The following ITGB6 variants were observed in gnomAD, a reference collection of about 807,000 sequenced individuals.
ITGB6 encodes integrin beta-6.
ITGB6 carries 80 observed loss-of-function variants against 84.5 expected under a neutral mutation model. The ratio of observed to expected loss-of-function variants is 0.95; its 90% CI spans 0.79 to 1.14. ITGB6 has a LOEUF of 1.14. Among genes scored for constraint, ITGB6 ranks in the 50% most tolerant of loss-of-function variants. The probability of loss-of-function intolerance (pLI) is 0.00; values close to 1 mark genes in which losing one functional copy is unlikely to be tolerated. For synonymous variants in ITGB6, 383 were observed against 354.9 expected (o/e 1.08, Z -0.89); for missense variants, 1,006 against 968.0 (o/e 1.04, Z -0.52).
chr2:160,129,309 C>T (rs1683360579), intron 10 of ITGB6, among the ~76,000 whole-genome samples: 1 of 148,986 alleles, frequency 6.7e-6, no homozygotes, highest in Admixed American at 6.8e-5. Context: ...GGGTGCCTGC[C>T]ATGCGCAAGA....
chr2:160,136,296 A>G (rs897922601), intron 10 of ITGB6, among the ~76,000 whole-genome samples: 1 of 152,248 alleles, frequency 6.6e-6, no homozygotes, highest in Admixed American at 6.5e-5. Flanking sequence ...AGACACATGA[A>G]AAAATGCTCA....
intron 10 of ITGB6, among the ~76,000 whole-genome samples, chr2:160,136,971 C>T (rs570048178): frequency 7.3e-5 from 11 of 151,092 alleles, no homozygotes; most frequent in African/African-American, 2.7e-4. Flanking sequence ...TTAATGGGTG[C>T]AGCACACCAA....
chr2:160,170,441 G>T (rs371962274), intron 6 of ITGB6, among the ~76,000 whole-genome samples: 1 of 152,124 alleles, frequency 6.6e-6, no homozygotes, highest in Admixed American at 6.5e-5. Context: ...TTTCAACTGC[G>T]TAAAAATCCT....
At chr2:160,174,655 A>G (rs749365351) in intron 4 of ITGB6, among the ~76,000 whole-genome samples, 8 of 152,178 alleles carry the variant, frequency 5.3e-5, no homozygotes, top group Non-Finnish European at 1.2e-4. Flanking sequence ...GTCCAACTCT[A>G]CTGTGATTGA....
intron 4 of ITGB6, among the ~76,000 whole-genome samples, chr2:160,180,590 G>A (rs1440265956): frequency 6.6e-6 from 1 of 152,218 alleles, no homozygotes; most frequent in Non-Finnish European, 1.5e-5. Context: ...CCTTGCAGGA[G>A]GTCCTTCACG....
At chr2:160,151,494 G>A (rs1033937284) in intron 7 of ITGB6, among the ~76,000 whole-genome samples, 6 of 152,234 alleles carry the variant, frequency 3.9e-5, no homozygotes, top group African/African-American at 1.4e-4. Flanking sequence ...GAGAAAGCAG[G>A]AAAGATCTAA....
intron 2 of ITGB6, among the ~76,000 whole-genome samples, chr2:160,198,921 A>G (rs573154935): frequency 1.3e-5 from 2 of 152,368 alleles, no homozygotes; most frequent in African/African-American, 4.8e-5. Context: ...TAAAAGAAGG[A>G]ACCAGGTAAA....
chr2:160,199,130 A>C (rs1559245827), intron 2 of ITGB6, 49 bp downstream of exon 2: 4 of 1,441,954 alleles, frequency 2.8e-6, no homozygotes, highest in Middle Eastern at 1.7e-4. Context: ...ATTAACATGA[A>C]TTTAACTGCA....
intron 2 of ITGB6, 124 bp downstream of exon 2, chr2:160,199,055 C>G: frequency 1.4e-6 from 1 of 691,482 alleles, no homozygotes. Context: ...TTCTCCTTTC[C>G]TGATTTGTTT....
chr2:160,182,438 T>G (rs1685716893), intron 4 of ITGB6, among the ~76,000 whole-genome samples: 1 of 151,936 alleles, frequency 6.6e-6, no homozygotes, highest in African/African-American at 2.4e-5. Flanking sequence ...AAGACAAGAT[T>G]AGAGAAAAAG....
intron 2 of ITGB6, among the ~76,000 whole-genome samples, chr2:160,196,695 C>CTG (rs373079068): frequency 2.7e-5 from 4 of 149,446 alleles, no homozygotes; most frequent in African/African-American, 4.9e-5. Context: ...GTGTGTGTGT[C>CTG]TGTGTGTGTG....
Position 160,107,719 on chromosome 2 carries a change from G to T in ITGB6, c.2228C>A (p.Ala743Asp). The change falls in exon 14 of 15, where the codon GCC becomes GAC. Residue 743 changes from alanine to aspartate, a missense_variant. Ala to Asp is a moderately radical substitution (Grantham distance 126). Transcript: ENST00000283249. ...LVSFHDRKEV[A>D]KFEAERSKAK... ...TTTTGATCGTTCTGCTTCAAATTTG[G>T]CAACTTCTTTACGATCATGAAATGA... 1.9e-6 allele frequency: 3 copies of T among 1,613,988 alleles called. No individual in the cohort carries two copies. The highest frequency in any genetic ancestry group is 2.2e-5 in the East Asian group (1 of 44,886).
At chr2:160,195,754 C>T in intron 3 of ITGB6, 139 bp from the exon 4 acceptor site, 1 of 980,134 alleles carries the variant, frequency 1.0e-6, no homozygotes, top group Non-Finnish European at 1.5e-6. Context: ...ACTGTGTGGT[C>T]AAGATCCTAA....
chr2:160,158,808 T>C (rs984348639), intron 7 of ITGB6, among the ~76,000 whole-genome samples: 3 of 152,272 alleles, frequency 2.0e-5, no homozygotes, highest in Admixed American at 6.5e-5. Flanking sequence ...TTGTTAGAAA[T>C]GCAGATTCTT....
Position 160,112,276 on chromosome 2 carries a change from T to C in ITGB6, c.1982-77A>G, listed in dbSNP as rs530741427. On this transcript the variant is annotated intron_variant, in intron 12 of 14. Transcript: ENST00000283249. Reference sequence around the variant, plus strand: ...GTTTTTAAAACAAAGTAGTATTGAGTTTTAATATGTAAATTAGAGTTTTCA... The same window carrying C: ...GTTTTTAAAACAAAGTAGTATTGAGCTTTAATATGTAAATTAGAGTTTTCA... 2.3e-6 allele frequency: 3 copies of C among 1,331,716 alleles called. No individual in the cohort carries two copies. In the African/African-American group the frequency reaches 4.4e-5, roughly 20 times the overall value. 82.5% of individuals were successfully genotyped at this position (1,331,716 alleles called of 1,614,324 possible).
intron 10 of ITGB6, among the ~76,000 whole-genome samples, chr2:160,133,731 A>G (rs1683571657): frequency 6.6e-6 from 1 of 152,242 alleles, no homozygotes. Flanking sequence ...CAATCAAACT[A>G]GAACTCAGGA....
At chr2:160,182,422 A>C (rs540337461) in intron 4 of ITGB6, among the ~76,000 whole-genome samples, 1 of 152,364 alleles carries the variant, frequency 6.6e-6, no homozygotes. Context: ...AATGAAATAA[A>C]GCATGAAGAC....
Position 160,137,782 on chromosome 2 carries a change from C to T in ITGB6, c.1312G>A (p.Val438Met), listed in dbSNP as rs61737764. Residue 438 changes from valine to methionine, a missense_variant, in exon 10 of 15, where the codon GTG becomes ATG. Transcript: ENST00000283249. ...RRSRHIIIKP[V>M]GLGDALELLV... is the part of the protein sequence containing the mutation. ...AATTCCAGGGCATCCCCCAGCCCCA[C>T]AGGCTTTATGATAATGTGCCTGCTT... is the stretch of plus-strand genomic sequence containing the variant. The T allele has an allele frequency of 5.8e-3, 9,327 of 1,614,186 alleles. 92 individuals carry two copies. Among genetic ancestry groups the T allele is most frequent in the South Asian group, 0.028 (2,586 of 91,078 alleles).
intron 10 of ITGB6, among the ~76,000 whole-genome samples, chr2:160,127,867 C>A (rs1683298807): frequency 6.6e-6 from 1 of 152,114 alleles, no homozygotes; most frequent in African/African-American, 2.4e-5. Flanking sequence ...TAAAGCCCAC[C>A]CCTCTATATC....
Sources: allele counts gnomAD v4.1 joint callset (sites outside exome capture counted in the v4.1 genomes callset), GRCh38; gene constraint gnomAD v4.1.1; transcripts MANE v1.5; gene names NCBI Gene and HGNC (gene_info 2026-07-23, HGNC 2026-07-21).